The following GCN1 variants were observed in gnomAD, a reference collection of about 807,000 sequenced individuals.
GCN1 encodes the protein stalled ribosome sensor GCN1.
In GCN1, 90 loss-of-function variants were observed where a neutral mutation model predicts 288.4. That is an observed-to-expected ratio of 0.31 (90% confidence interval 0.26 to 0.37). GCN1 has a LOEUF of 0.37. GCN1 is among the 10% of genes least tolerant of loss of function. GCN1 has a pLI of 1.00. For missense variants in GCN1, 2,586 were observed against 3,419.9 expected (o/e 0.76, Z 6.08); for synonymous variants, 1,386 against 1,420.2 (o/e 0.98, Z 0.54).
chr12:120,154,426 G>A (rs753950216), intron 31 of GCN1, among the ~76,000 whole-genome samples: 15 of 152,222 alleles, frequency 9.9e-5, no homozygotes, highest in Non-Finnish European at 1.9e-4. Flanking sequence ...CGGCCAGGAT[G>A]AGCCATTCAG....
chr12:120,163,521 C>A (rs921295667), intron 18 of GCN1, among the ~76,000 whole-genome samples: 10 of 152,186 alleles, frequency 6.6e-5, no homozygotes, highest in Non-Finnish European at 1.5e-4. Flanking sequence ...GAGACCCAGC[C>A]TGTGGTGGCA....
chr12:120,165,789 CGTT>C (rs201108044), intron 16 of GCN1, among the ~76,000 whole-genome samples: 3 of 150,896 alleles, frequency 2.0e-5, no homozygotes, highest in East Asian at 2.0e-4. Flanking sequence ...ATTTTGTTTT[CGTT>C]GTTGTTGTTG....
intron 42 of GCN1, among the ~76,000 whole-genome samples, chr12:120,143,728 A>G (rs548508811): frequency 6.6e-6 from 1 of 152,366 alleles, no homozygotes; most frequent in South Asian, 2.1e-4. Flanking sequence ...TACATCCTTG[A>G]AATATATTCC....
intron 38 of GCN1, among the ~76,000 whole-genome samples, chr12:120,145,724 T>G (rs931970734): frequency 7.2e-5 from 11 of 152,310 alleles, no homozygotes; most frequent in Non-Finnish European, 1.6e-4. Context: ...GTTTATGTCT[T>G]TTGATAGAGC....
intron 17 of GCN1, 68 bp from the exon 18 acceptor site, chr12:120,164,563 C>T (rs1301154771): frequency 6.3e-7 from 1 of 1,594,904 alleles, no homozygotes; most frequent in Admixed American, 1.7e-5. Flanking sequence ...CCAACCCTTC[C>T]ACCTGCCACA....
At position 120,153,676 on chromosome 12, in the gene GCN1, C is replaced by G; in HGVS notation, c.3867+68G>C. 6.8e-7 allele frequency: 1 copy of G among 1,472,928 alleles called. No homozygotes were observed. Among genetic ancestry groups the G allele is most frequent in the Non-Finnish European group, 9.4e-7 (1 of 1,064,922 alleles). The allele number at this position is 1,472,928 out of a possible 1,614,324, so 91.2% of individuals were successfully genotyped here. The stretch of plus-strand genomic sequence containing the variant: ...CTGCTCAGCCCTAGCGCCTGCCTCC[C>G]GTGTCTCCTTAGCGGGCTGGGACCC... On this transcript the variant is annotated intron_variant, in intron 32 of 57. Coordinates refer to ENST00000300648, the MANE Select transcript of GCN1 (RefSeq NM_006836.2). The surrounding 1 kb of genome is among the most constrained non-coding windows in gnomAD (Gnocchi z 4.4).
intron 36 of GCN1, among the ~76,000 whole-genome samples, chr12:120,148,824 A>C (rs1877442711): frequency 6.6e-6 from 1 of 151,924 alleles, no homozygotes; most frequent in Non-Finnish European, 1.5e-5. Flanking sequence ...CAGACATTTT[A>C]TTTATTTATT....
At chr12:120,189,467 A>C (rs543893206) in intron 2 of GCN1, among the ~76,000 whole-genome samples, 1 of 150,718 alleles carries the variant, frequency 6.6e-6, no homozygotes, top group South Asian at 2.1e-4. Context: ...GGTTCAAGCA[A>C]TTCTCCTGCC....
chr12:120,129,044 T>C (rs187663530), intron 57 of GCN1, among the ~76,000 whole-genome samples: 287 of 152,162 alleles, frequency 1.9e-3, no homozygotes, highest in Non-Finnish European at 3.2e-3. Context: ...TTCACCGTGT[T>C]AGCCTTCATC....
At position 120,136,694 on chromosome 12, in the gene GCN1, G is replaced by T. The variant is rs781218382; in HGVS notation, c.6816C>A (p.Val2272=). ...CCTTCTGCTCAGGGCTGCCAGTCAGGACTCCTTCCCGCAACACTGGAAGGA... is the reference window on the plus strand; with the variant it reads ...CCTTCTGCTCAGGGCTGCCAGTCAGTACTCCTTCCCGCAACACTGGAAGGA... The part of the protein sequence containing the change: ...TSILPVLREG[V]LTGSPEQKEE... The change falls in exon 51 of 58, where the codon GTC becomes GTA. Residue 2272 remains valine, a synonymous_variant. Coordinates refer to ENST00000300648, the MANE Select transcript of GCN1 (RefSeq NM_006836.2). The T allele has an allele frequency of 3.1e-6, 5 of 1,613,796 alleles. No homozygotes were observed. Among genetic ancestry groups the T allele is most frequent in the African/African-American group, 1.3e-5 (1 of 74,930 alleles).
chr12:120,184,736 T>C (rs1456686150), intron 3 of GCN1, 88 bp downstream of exon 3: 5 of 968,124 alleles, frequency 5.2e-6, no homozygotes, highest in Non-Finnish European at 8.3e-6. Context: ...CACCAGGCAG[T>C]CTGGCTCTAA....
At chr12:120,194,487 C>A (rs984451990) in intron 1 of GCN1, among the ~76,000 whole-genome samples, 193 bp downstream of exon 1, 2 of 152,216 alleles carry the variant, frequency 1.3e-5, no homozygotes, top group African/African-American at 4.8e-5. Flanking sequence ...CTCGAGCCCG[C>A]GGTCTGCCTG....
At position 120,190,409 on chromosome 12, in the gene GCN1, G is replaced by T. The variant is rs181243595; in HGVS notation, c.19-9C>A. On this transcript the variant is annotated splice_polypyrimidine_tract_variant and intron_variant, in intron 1 of 57. Transcript: ENST00000300648. ...TTTAGTGTCTCGGAAACCTGTGAAG[G>T]CCAAGCAACAGAAAAATTCACTAGT... 2.7e-6 allele frequency: 4 copies of T among 1,461,380 alleles called. No homozygotes were observed. The highest frequency in any genetic ancestry group is 3.8e-6 in the Non-Finnish European group (4 of 1,040,838). 90.5% of individuals were successfully genotyped at this position (1,461,380 alleles called of 1,614,324 possible).
intron 1 of GCN1, among the ~76,000 whole-genome samples, chr12:120,194,039 T>C (rs1176558193): frequency 6.6e-6 from 1 of 152,246 alleles, no homozygotes; most frequent in African/African-American, 2.4e-5. Flanking sequence ...ACACTCTTCC[T>C]GGACAGGACA....
chr12:120,142,423 T>G lies in GCN1; in HGVS notation c.5829+84A>C. 1.1e-6 allele frequency: 1 copy of G among 947,898 alleles called. No individual in the cohort carries two copies. Among genetic ancestry groups the G allele is most frequent in the South Asian group, 1.4e-5 (1 of 73,962 alleles). 58.7% of individuals were successfully genotyped at this position (947,898 alleles called of 1,614,324 possible). ...TGTTAGGCAGGGTGGATGGGTACTT[T>G]CCCAGGCTCTGCAGACCCAGCCTTC... On this transcript the variant is annotated intron_variant, in intron 44 of 57. Transcript: ENST00000300648. This position sits in a 1 kb window ranked among gnomAD's most constrained non-coding sequence, Gnocchi z 4.9.
chr12:120,131,101 T>C, intron 55 of GCN1, 84 bp downstream of exon 55: 1 of 1,257,328 alleles, frequency 8.0e-7, no homozygotes, highest in Non-Finnish European at 1.1e-6. Flanking sequence ...TAAGCCCCAG[T>C]CTGGGGTCCA....
chr12:120,149,097 T>TGGG (rs11407805), intron 36 of GCN1, among the ~76,000 whole-genome samples: 121 of 151,016 alleles, frequency 8.0e-4, no homozygotes, highest in African/African-American at 2.9e-3. Context: ...AGAGCTTTCC[T>TGGG]GGGGGGGGAA....
rs1346207664 is a variant in GCN1 at position 120,178,661 on chromosome 12, C to T, written c.624G>A (p.Thr208=). 12 of 1,614,088 alleles carry T rather than the reference C, an allele frequency of 7.4e-6. No homozygotes were observed. Among genetic ancestry groups the T allele is most frequent in the East Asian group, 2.2e-5 (1 of 44,898 alleles). ...TGACCACGTCCATCTCCTTGTGACTCGTGCAGAACTGCACCAGCAGCCCCA... is the reference window on the plus strand; with the variant it reads ...TGACCACGTCCATCTCCTTGTGACTTGTGCAGAACTGCACCAGCAGCCCCA... ...GMLGLLVQFC[T]SHKEMDVVSQ... The change falls in exon 7 of 58, where the codon ACG becomes ACA. Residue 208 remains threonine, a synonymous_variant. Transcript: ENST00000300648.
intron 8 of GCN1, 51 bp from the exon 9 acceptor site, chr12:120,177,606 A>G: frequency 2.6e-6 from 4 of 1,546,822 alleles, no homozygotes; most frequent in Non-Finnish European, 3.6e-6. Context: ...ACGGACCAAG[A>G]AGCAAAAAAG....
Sources: allele counts gnomAD v4.1 joint callset (sites outside exome capture counted in the v4.1 genomes callset), GRCh38; gene constraint gnomAD v4.1.1; non-coding constraint Gnocchi (gnomAD v3.1); transcripts MANE v1.5; gene names NCBI Gene and HGNC (gene_info 2026-07-23, HGNC 2026-07-21).